RTN1: variants seen among roughly 807,000 people sequenced by gnomAD.
The protein encoded by RTN1 is reticulon-1.
In RTN1, 25 loss-of-function variants were observed where a neutral mutation model predicts 65.5. That is an observed-to-expected ratio of 0.38 (90% CI 0.28 to 0.53). RTN1 has a LOEUF of 0.53. Ranked by LOEUF, RTN1 falls within the 20% of genes least tolerant of loss-of-function variation. The probability of loss-of-function intolerance (pLI) is 0.79; values close to 1 mark genes in which losing one functional copy is unlikely to be tolerated. For synonymous variants in RTN1, 471 were observed against 447.6 expected (o/e 1.05, Z -0.66); for missense variants, 983 against 1,025.4 (o/e 0.96, Z 0.57).
intron 1 of RTN1, among the ~76,000 whole-genome samples, chr14:59,789,474 C>T (rs571195491): frequency 2.0e-5 from 3 of 152,116 alleles, no homozygotes; most frequent in East Asian, 1.9e-4. Context: ...TTAAAATAAT[C>T]GACAAAGGAA....
chr14:59,750,032 T>C (rs1260703310), intron 1 of RTN1, among the ~76,000 whole-genome samples: 11 of 73,614 alleles, frequency 1.5e-4, no homozygotes, highest in Admixed American at 2.5e-4. Flanking sequence ...TTATATTATA[T>C]ACATATATTA....
chr14:59,822,478 C>T (rs1447687645), intron 1 of RTN1, among the ~76,000 whole-genome samples: 1 of 152,044 alleles, frequency 6.6e-6, no homozygotes, highest in East Asian at 1.9e-4. Flanking sequence ...TTTCACTGTT[C>T]TTTTATATGG....
chr14:59,682,550 G>C (rs1883767396), intron 3 of RTN1, among the ~76,000 whole-genome samples: 1 of 152,112 alleles, frequency 6.6e-6, no homozygotes, highest in African/African-American at 2.4e-5. Context: ...CCTAATAAAT[G>C]TGTATTGAAC....
intron 2 of RTN1, among the ~76,000 whole-genome samples, chr14:59,731,508 T>C (rs879188074): frequency 6.6e-6 from 1 of 152,200 alleles, no homozygotes; most frequent in Non-Finnish European, 1.5e-5. Context: ...TCAATAAAGC[T>C]GTTTAAAAAA....
rs1887869866 is a variant in RTN1, at chr14:59,870,183, T to C, written c.241+207A>G. ...TGAAATAAAAGGATCAAAAGCATCT[T>C]GACTTTTTCTGAGCCTTTGGGAAAA... On this transcript the variant is annotated intron_variant, in intron 1 of 8. Coordinates refer to ENST00000267484, the MANE Select transcript of RTN1 (RefSeq NM_021136.3). This position sits in a 1 kb window ranked among gnomAD's most constrained non-coding sequence, Gnocchi z 5.1. Among the ~76,000 whole-genome samples, 1 of 152,246 alleles carries C rather than the reference T, an allele frequency of 6.6e-6. No homozygotes were observed. Among genetic ancestry groups the C allele is most frequent in the South Asian group, 2.1e-4 (1 of 4,832 alleles).
At chr14:59,629,286 G>C (rs181025967) in intron 3 of RTN1, among the ~76,000 whole-genome samples, 27 of 152,342 alleles carry the variant, frequency 1.8e-4, no homozygotes, top group African/African-American at 6.5e-4. Context: ...CAAGAGGCAA[G>C]GTAAGCAGGC....
Position 59,596,452 on chromosome 14 carries a change from C to A in RTN1, c.*293G>T, listed in dbSNP as rs1881400383. The A allele has an allele frequency of 8.3e-6, 2 of 242,316 alleles. No homozygotes were observed. Among genetic ancestry groups the A allele is most frequent in the Non-Finnish European group, 1.6e-5 (2 of 125,594 alleles). 15.0% of individuals were successfully genotyped at this position (242,316 alleles called of 1,614,324 possible). A position where few individuals can be genotyped will look rare whatever the true frequency, so the allele number is the denominator to read the frequency against. On this transcript the variant is annotated 3_prime_UTR_variant, in exon 9 of 9. Coordinates refer to ENST00000267484, the MANE Select transcript of RTN1 (RefSeq NM_021136.3). ...CATTGCAGAGAAGAGAAGAAGAACA[C>A]CGAAGAGGGAAAGATAACTTGGGCT...
intron 1 of RTN1, among the ~76,000 whole-genome samples, chr14:59,866,102 T>G (rs570776172): frequency 6.6e-6 from 1 of 152,136 alleles, no homozygotes; most frequent in South Asian, 2.1e-4. Flanking sequence ...AGCAATAACT[T>G]GGGAATGAAG....
chr14:59,829,844 C>A lies in RTN1; in HGVS notation c.241+40546G>T, dbSNP rs1566740948. On this transcript the variant is annotated intron_variant, in intron 1 of 8. Transcript: ENST00000267484. This position sits in a 1 kb window ranked among gnomAD's most constrained non-coding sequence, Gnocchi z 4.3. ...AGCCAAACCAAATCATATGGCCATA[C>A]CTAACTTCCAGGGGACAGGAATGTA... 6.6e-6 allele frequency among the ~76,000 whole-genome samples: 1 copy of A among 152,190 alleles called. No homozygotes were observed. Among genetic ancestry groups the A allele is most frequent in the Non-Finnish European group, 1.5e-5 (1 of 68,032 alleles).
At chr14:59,647,413 T>C (rs982787371) in intron 3 of RTN1, among the ~76,000 whole-genome samples, 2 of 152,152 alleles carry the variant, frequency 1.3e-5, no homozygotes, top group African/African-American at 4.8e-5. Context: ...TTAACAAGGA[T>C]ATTTCAGACC....
chr14:59,807,641 C>T (rs140022197), intron 1 of RTN1, among the ~76,000 whole-genome samples: 1 of 152,132 alleles, frequency 6.6e-6, no homozygotes, highest in Non-Finnish European at 1.5e-5. Context: ...AAGGAGTAAC[C>T]CTGAGTCATA....
At chr14:59,854,716 G>A (rs1471260125) in intron 1 of RTN1, among the ~76,000 whole-genome samples, 1 of 149,012 alleles carries the variant, frequency 6.7e-6, no homozygotes, top group Admixed American at 6.7e-5. Flanking sequence ...AAATAATTAA[G>A]AGCATGAACC....
At position 59,651,954 on chromosome 14, in the gene RTN1, T is replaced by C. The variant is rs187437303; in HGVS notation, c.1766-44462A>G. ...TGCAAACTATGCATCAAAGGTCTCATATCCACCATTTATAAGGAACTTAAA... is the reference window on the plus strand; with the variant it reads ...TGCAAACTATGCATCAAAGGTCTCACATCCACCATTTATAAGGAACTTAAA... On this transcript the variant is annotated intron_variant, in intron 3 of 8. Transcript: ENST00000267484. Among the ~76,000 whole-genome samples, 108 of 151,966 alleles carry C rather than the reference T, an allele frequency of 7.1e-4. 1 individual carries two copies. Among genetic ancestry groups the C allele is most frequent in the Non-Finnish European group, 1.0e-3 (70 of 68,022 alleles).
At position 59,727,730 on chromosome 14, in the gene RTN1, G is replaced by C; in HGVS notation, c.1016-62C>G. On this transcript the variant is annotated intron_variant, in intron 2 of 8. Coordinates refer to ENST00000267484, the MANE Select transcript of RTN1 (RefSeq NM_021136.3). The surrounding 1 kb of genome is among the most constrained non-coding windows in gnomAD (Gnocchi z 4.2). ...ACACACACGGACAGACAGATGGACA[G>C]AGAGAGGAGGGATAAAACAAAATTC... The C allele has an allele frequency of 6.7e-7, 1 of 1,502,842 alleles. No homozygotes were observed. Among genetic ancestry groups the C allele is most frequent in the African/African-American group, 1.4e-5 (1 of 71,600 alleles). 93.1% of individuals were successfully genotyped at this position (1,502,842 alleles called of 1,614,324 possible).
At chr14:59,843,783 G>T (rs1202103308) in intron 1 of RTN1, among the ~76,000 whole-genome samples, 5 of 152,152 alleles carry the variant, frequency 3.3e-5, no homozygotes, top group Non-Finnish European at 7.3e-5. Flanking sequence ...TTCAGAAAAT[G>T]TTCATAAATT....
intron 1 of RTN1, among the ~76,000 whole-genome samples, chr14:59,753,706 A>G (rs1284993517): frequency 1.3e-5 from 2 of 152,198 alleles, no homozygotes; most frequent in Non-Finnish European, 2.9e-5. Context: ...AGGAAAGCCA[A>G]TTAATTCTTG....
intron 2 of RTN1, among the ~76,000 whole-genome samples, chr14:59,737,350 T>C (rs1405451708): frequency 6.6e-6 from 1 of 152,102 alleles, no homozygotes; most frequent in Non-Finnish European, 1.5e-5. Flanking sequence ...TGAAAATTGC[T>C]AGCATTCCTA....
At chr14:59,716,899 C>T (rs1368051022) in intron 3 of RTN1, among the ~76,000 whole-genome samples, 2 of 150,794 alleles carry the variant, frequency 1.3e-5, no homozygotes, top group South Asian at 2.1e-4. Context: ...ACCCAGGAGG[C>T]GGAGCTTGAA....
intron 3 of RTN1, among the ~76,000 whole-genome samples, chr14:59,689,925 A>C (rs1883925183): frequency 6.6e-6 from 1 of 152,186 alleles, no homozygotes; most frequent in African/African-American, 2.4e-5. Context: ...GCAACCAGCT[A>C]ACAACTTCAC....
Sources: allele counts gnomAD v4.1 joint callset (sites outside exome capture counted in the v4.1 genomes callset), GRCh38; gene constraint gnomAD v4.1.1; non-coding constraint Gnocchi (gnomAD v3.1); transcripts MANE v1.5; gene names NCBI Gene and HGNC (gene_info 2026-07-23, HGNC 2026-07-21).